MARCHF3: variants seen among roughly 807,000 people sequenced by gnomAD.
MARCHF3 encodes E3 ubiquitin-protein ligase MARCHF3.
MARCHF3 carries 13 observed loss-of-function variants against 24.2 expected under a neutral mutation model. The observed-to-expected ratio is 0.54, with a 90% CI of 0.35 to 0.85. The LOEUF is 0.85. Ranked by LOEUF, MARCHF3 falls within the 40% of genes least tolerant of loss-of-function variation. The pLI, the probability that MARCHF3 is intolerant of heterozygous loss-of-function variation, is 0.01. For synonymous variants in MARCHF3, 144 were observed against 137.3 expected (o/e 1.05, Z -0.34); for missense variants, 276 against 325.0 (o/e 0.85, Z 1.16).
At chr5:126,955,615 T>C (rs1265505979) in intron 1 of MARCHF3, among the ~76,000 whole-genome samples, 1 of 152,242 alleles carries the variant, frequency 6.6e-6, no homozygotes, top group Non-Finnish European at 1.5e-5. Context: ...CCTCTGTGTA[T>C]TGCCTGAGGG....
intron 1 of MARCHF3, among the ~76,000 whole-genome samples, chr5:127,022,785 T>G (rs1216765200): frequency 2.0e-5 from 3 of 152,210 alleles, no homozygotes; most frequent in Admixed American, 2.0e-4. Context: ...TATGTGGGCT[T>G]AAACATTTAA....
At chr5:127,023,962 A>C (rs2126865788) in intron 1 of MARCHF3, among the ~76,000 whole-genome samples, 1 of 152,224 alleles carries the variant, frequency 6.6e-6, no homozygotes, top group African/African-American at 2.4e-5. Flanking sequence ...TTTCAACTTC[A>C]AATGACATTA....
rs1370835699 is a variant in MARCHF3 at position 126,942,165 on chromosome 5, T to C, written c.-56-23938A>G. Among the ~76,000 whole-genome samples, 3 of 152,300 alleles carry C rather than the reference T, an allele frequency of 2.0e-5. No homozygotes were observed. In the East Asian group the frequency reaches 5.8e-4, roughly 29 times the overall value. On this transcript the variant is annotated intron_variant, in intron 1 of 4. Coordinates refer to ENST00000308660, the MANE Select transcript of MARCHF3 (RefSeq NM_178450.5). ...AAGAAGCAATAAAAACATTGAAAGC[T>C]CCACTATGGCCATCATAGCATTTAC...
At chr5:126,873,188 C>T (rs1753031259) in intron 4 of MARCHF3, among the ~76,000 whole-genome samples, 1 of 152,136 alleles carries the variant, frequency 6.6e-6, no homozygotes, top group African/African-American at 2.4e-5. Context: ...AATCTGCATC[C>T]TCTACTTAGT....
chr5:126,898,762 C>G (rs181909335), intron 3 of MARCHF3: 2 of 672,544 alleles, frequency 3.0e-6, no homozygotes, highest in Non-Finnish European at 3.7e-6. Flanking sequence ...TTATATTAGC[C>G]ATTTTCCCTC....
intron 1 of MARCHF3, among the ~76,000 whole-genome samples, chr5:126,970,379 C>T (rs79270727): frequency 0.016 from 2,403 of 152,292 alleles, 66 homozygotes; most frequent in South Asian, 0.12. Flanking sequence ...TGAGCCACTG[C>T]GCCCAGCTGG....
At chr5:127,021,931 A>C (rs1353375898) in intron 1 of MARCHF3, among the ~76,000 whole-genome samples, 1 of 152,244 alleles carries the variant, frequency 6.6e-6, no homozygotes, top group East Asian at 1.9e-4. Flanking sequence ...CAAAAGACAC[A>C]CCAGTCCACA....
Position 126,868,893 on chromosome 5 carries a change from G to A in MARCHF3, c.*1740C>T, listed in dbSNP as rs1752858667. On this transcript the variant is annotated 3_prime_UTR_variant, in exon 5 of 5. Transcript: ENST00000308660. ...CAATTAAGAAACGGTTGATGGTGGT[G>A]CAGCTAATGACAGCCCAGGGGGGTG... The A allele has an allele frequency of 6.6e-6, 1 of 152,288 alleles. No individual in the cohort carries two copies. The highest frequency in any genetic ancestry group is 1.5e-5 in the Non-Finnish European group (1 of 68,072). The allele number at this position is 152,288 out of a possible 1,614,324, so 9.4% of individuals were successfully genotyped here.
intron 1 of MARCHF3, among the ~76,000 whole-genome samples, chr5:126,939,933 T>C (rs1749773562): frequency 6.6e-6 from 1 of 152,170 alleles, no homozygotes; most frequent in Non-Finnish European, 1.5e-5. Context: ...CTAACACACG[T>C]ATTTTCTCTA....
intron 1 of MARCHF3, among the ~76,000 whole-genome samples, chr5:126,962,312 T>C (rs1750665348): frequency 1.3e-5 from 2 of 152,082 alleles, no homozygotes; most frequent in African/African-American, 2.4e-5. Flanking sequence ...GGGCTAGTCA[T>C]TTCATTTCTG....
At chr5:126,901,507 C>T (rs1411748539) in intron 3 of MARCHF3, among the ~76,000 whole-genome samples, 1 of 152,136 alleles carries the variant, frequency 6.6e-6, no homozygotes, top group East Asian at 1.9e-4. Flanking sequence ...AGATACTTCT[C>T]TCTGCTCACT....
intron 3 of MARCHF3, among the ~76,000 whole-genome samples, chr5:126,910,526 G>T (rs1398626707): frequency 6.6e-6 from 1 of 152,216 alleles, no homozygotes; most frequent in African/African-American, 2.4e-5. Flanking sequence ...CATGGCAGAA[G>T]AACTTGGATT....
At chr5:126,915,901 T>G (rs757073530) in intron 2 of MARCHF3, among the ~76,000 whole-genome samples, 1 of 152,234 alleles carries the variant, frequency 6.6e-6, no homozygotes, top group Non-Finnish European at 1.5e-5. Flanking sequence ...CTGCTGTCTA[T>G]TACCTGGATA....
intron 1 of MARCHF3, chr5:127,029,995 C>A (rs1171067839): frequency 1.3e-5 from 2 of 152,206 alleles, no homozygotes; most frequent in African/African-American, 4.8e-5. Context: ...TACCGCACAG[C>A]GCGGGTAATT....
intron 1 of MARCHF3, among the ~76,000 whole-genome samples, chr5:126,956,671 ACC>A (rs111352802): frequency 0.01 from 1,477 of 143,228 alleles, 49 homozygotes; most frequent in African/African-American, 0.037. Context: ...AAAAAAAAAA[ACC>A]AAAAAAACAA....
intron 1 of MARCHF3, among the ~76,000 whole-genome samples, chr5:126,996,749 G>A (rs944520809): frequency 6.6e-6 from 1 of 151,454 alleles, no homozygotes; most frequent in Admixed American, 6.6e-5. Flanking sequence ...CATCAACAGG[G>A]AACTGATTAA....
chr5:127,011,746 T>C (rs1199361335), intron 1 of MARCHF3, among the ~76,000 whole-genome samples: 2 of 152,222 alleles, frequency 1.3e-5, no homozygotes, highest in Admixed American at 1.3e-4. Context: ...TGGTTATTCC[T>C]TGTTAACAAT....
Position 126,922,551 on chromosome 5 carries a change from T to TATTA in MARCHF3, c.-56-4328_-56-4325dup, listed in dbSNP as rs1554065927. Among the ~76,000 whole-genome samples the TATTA allele has an allele frequency of 1.0e-4, 14 of 136,850 alleles. No homozygotes were observed. In the South Asian group the frequency reaches 1.8e-3, roughly 18 times the overall value. The allele number at this position is 136,850 out of a possible 152,430, so 89.8% of individuals were successfully genotyped here. A position where few individuals can be genotyped will look rare whatever the true frequency, so the allele number is the denominator to read the frequency against. On this transcript the variant is annotated intron_variant, in intron 1 of 4. Transcript: ENST00000308660. ...TTATTTATTTATTTATTTATTTATT[T>TATTA]ATTATTTATTTTTGAGTCGGAGTCT...
intron 1 of MARCHF3, among the ~76,000 whole-genome samples, chr5:126,965,499 G>A (rs1224181666): frequency 6.6e-6 from 1 of 152,176 alleles, no homozygotes; most frequent in African/African-American, 2.4e-5. Flanking sequence ...TGCTGCTTTA[G>A]AGACAGTTTT....
Sources: allele counts gnomAD v4.1 joint callset (sites outside exome capture counted in the v4.1 genomes callset), GRCh38; gene constraint gnomAD v4.1.1; transcripts MANE v1.5; gene names NCBI Gene and HGNC (gene_info 2026-07-23, HGNC 2026-07-21).